The following DENND1A variants were observed in gnomAD, a reference collection of about 807,000 sequenced individuals.
DENND1A encodes the protein DENN domain-containing protein 1A.
Under a neutral mutation model 113.7 loss-of-function variants are expected in DENND1A, and 51 were observed. The ratio of observed to expected loss-of-function variants is 0.45; its 90% CI spans 0.36 to 0.57. The LOEUF is 0.57. DENND1A is among the 20% of genes least tolerant of loss of function. The pLI is 0.00. For synonymous variants in DENND1A, 565 were observed against 570.8 expected, an observed-to-expected ratio of 0.99 and a Z score of 0.14; for missense variants, 1,258 against 1,395.9, an observed-to-expected ratio of 0.90 and a Z score of 1.57.
At chr9:123,707,393 C>T (rs986360803) in intron 5 of DENND1A, among the ~76,000 whole-genome samples, 6 of 144,298 alleles carry the variant, frequency 4.2e-5, no homozygotes, top group African/African-American at 1.3e-4. Context: ...TTAACTCCAT[C>T]TCAAAAAGGA....
chr9:123,432,599 G>T lies in DENND1A; in HGVS notation c.1488+7761C>A, dbSNP rs191897732. Among the ~76,000 whole-genome samples the T allele has an allele frequency of 2.6e-5, 4 of 152,330 alleles. No individual in the cohort carries two copies. The East Asian group carries it at 7.7e-4, about 29-fold the overall frequency. The stretch of plus-strand genomic sequence containing the variant: ...CTCACACAAAGACATGGATGAGAGG[G>T]GAAGAAACGGGGGCAACGGAAAAGG... On this transcript the variant is annotated intron_variant, in intron 19 of 23. Transcript: ENST00000394215.
At chr9:123,618,954 A>C (rs75789149) in intron 10 of DENND1A, among the ~76,000 whole-genome samples, 6,657 of 152,128 alleles carry the variant, frequency 0.044, 184 homozygotes, top group South Asian at 0.059. Flanking sequence ...ATTTCTTCTT[A>C]TTATTATTTT....
intron 2 of DENND1A, among the ~76,000 whole-genome samples, chr9:123,855,561 A>G (rs1003358026): frequency 6.6e-6 from 1 of 152,154 alleles, no homozygotes; most frequent in African/African-American, 2.4e-5. Context: ...AAAGGAGGAG[A>G]GGTCAGCCAA....
chr9:123,411,439 G>A (rs1041663267), intron 20 of DENND1A: 3 of 152,282 alleles, frequency 2.0e-5, no homozygotes, highest in Admixed American at 6.5e-5. Flanking sequence ...CTTCTGCTTC[G>A]TTTGTGAGGA....
At position 123,518,129 on chromosome 9, in the gene DENND1A, T is replaced by C. The variant is rs369128303; in HGVS notation, c.993+39441A>G. ...CCCTGAGCGGCATTAGGGATTCACC[T>C]ACACGGGGTAGATTTAAACTGGCAC... is the stretch of plus-strand genomic sequence containing the variant. On this transcript the variant is annotated intron_variant, in intron 13 of 23. Transcript: ENST00000394215. Among the ~76,000 whole-genome samples the C allele has an allele frequency of 4.6e-5, 7 of 152,208 alleles. No individual in the cohort carries two copies. In the East Asian group the frequency reaches 1.3e-3, roughly 29 times the overall value.
chr9:123,771,157 T>TG (rs1216909174), intron 3 of DENND1A, among the ~76,000 whole-genome samples: 3 of 152,196 alleles, frequency 2.0e-5, no homozygotes, highest in Non-Finnish European at 4.4e-5. Context: ...CTTTATAATG[T>TG]GGCATTCAGG....
At chr9:123,747,601 T>C (rs1356581329) in intron 5 of DENND1A, among the ~76,000 whole-genome samples, 8 of 152,168 alleles carry the variant, frequency 5.3e-5, no homozygotes, top group Non-Finnish European at 1.2e-4. Context: ...TACTACAATA[T>C]ATAGAATTTA....
chr9:123,735,325 C>G (rs2068482910), intron 5 of DENND1A, among the ~76,000 whole-genome samples: 1 of 152,148 alleles, frequency 6.6e-6, no homozygotes, highest in Admixed American at 6.5e-5. Flanking sequence ...TCTCGCAACC[C>G]TTTGAGGTGA....
chr9:123,581,638 G>A (rs2058901893), intron 12 of DENND1A, among the ~76,000 whole-genome samples: 1 of 150,992 alleles, frequency 6.6e-6, no homozygotes, highest in African/African-American at 2.4e-5. Flanking sequence ...AAAAAAAAAA[G>A]AAAGAAATTC....
intron 13 of DENND1A, among the ~76,000 whole-genome samples, chr9:123,495,905 C>T (rs748515696): frequency 4.6e-5 from 7 of 152,240 alleles, no homozygotes; most frequent in Non-Finnish European, 1.0e-4. Context: ...GAGGACCCGA[C>T]AGCAGCTTAA....
At chr9:123,616,085 A>T (rs1039072084) in intron 10 of DENND1A, among the ~76,000 whole-genome samples, 19 of 152,072 alleles carry the variant, frequency 1.2e-4, no homozygotes, top group Non-Finnish European at 7.4e-5. Context: ...GCGTACTACC[A>T]CGCCTGGCTG....
chr9:123,598,630 A>T (rs1292547816), intron 11 of DENND1A, among the ~76,000 whole-genome samples: 1 of 152,200 alleles, frequency 6.6e-6, no homozygotes, highest in East Asian at 1.9e-4. Flanking sequence ...ATATGCCAAA[A>T]TGTCCAAATT....
chr9:123,717,753 C>T (rs774265474), intron 5 of DENND1A, among the ~76,000 whole-genome samples: 1 of 152,206 alleles, frequency 6.6e-6, no homozygotes, highest in African/African-American at 2.4e-5. Context: ...AGAGGTTGCC[C>T]TGTGTCCACT....
chr9:123,598,456 CA>C (rs780473231), intron 11 of DENND1A, among the ~76,000 whole-genome samples: 2,506 of 59,382 alleles, frequency 0.042, 43 homozygotes, highest in African/African-American at 0.11. Context: ...TCACAAATCT[CA>C]AAAAAAAAAA....
At chr9:123,603,822 A>G (rs1234604483) in intron 11 of DENND1A, among the ~76,000 whole-genome samples, 2 of 152,250 alleles carry the variant, frequency 1.3e-5, no homozygotes, top group African/African-American at 4.8e-5. Flanking sequence ...CCATCACTAC[A>G]AACACCTCTG....
chr9:123,589,248 T>C (rs987195432), intron 11 of DENND1A, among the ~76,000 whole-genome samples: 8 of 152,126 alleles, frequency 5.3e-5, no homozygotes, highest in East Asian at 1.9e-4. Context: ...AATTACTGTA[T>C]ATAATATCGT....
chr9:123,444,523 G>A (rs1301060927), intron 18 of DENND1A, among the ~76,000 whole-genome samples: 2 of 152,088 alleles, frequency 1.3e-5, no homozygotes, highest in Admixed American at 6.6e-5. Flanking sequence ...GCATGGTGGC[G>A]GACGCCTGTA....
chr9:123,438,092 T>C (rs1157262154), intron 19 of DENND1A, among the ~76,000 whole-genome samples: 1 of 152,110 alleles, frequency 6.6e-6, no homozygotes, highest in South Asian at 2.1e-4. Flanking sequence ...ACTTCTGAAA[T>C]GAAACTCAAG....
At chr9:123,798,227 T>C (rs369079870) in intron 2 of DENND1A, 1 of 152,030 alleles carries the variant, frequency 6.6e-6, no homozygotes, top group East Asian at 1.9e-4. Context: ...AAAACACAAA[T>C]AACATTATTC....
Sources: gnomAD v4.1 joint callset for allele counts (sites outside exome capture counted in the v4.1 genomes callset) on GRCh38, gnomAD v4.1.1 for gene constraint, MANE v1.5 for transcripts, NCBI Gene and HGNC (gene_info 2026-07-23, HGNC 2026-07-21) for gene names.